The following TTC39A variants were observed in gnomAD, a reference collection of about 807,000 sequenced individuals.
TTC39A encodes tetratricopeptide repeat domain 39A.
Under a neutral mutation model 82.3 loss-of-function variants are expected in TTC39A, and 46 were observed. The ratio of observed to expected loss-of-function variants is 0.56; its 90% confidence interval spans 0.44 to 0.71. The LOEUF is 0.71. TTC39A is among the 30% of genes least tolerant of loss of function. The pLI is 0.00. For synonymous variants in TTC39A, 254 were observed against 275.2 expected (o/e 0.92, Z 0.76); for missense variants, 543 against 712.9 (o/e 0.76, Z 2.71).
At chr1:51,322,274 C>A in intron 1 of TTC39A, 1 of 1,444,120 alleles carries the variant, frequency 6.9e-7, no homozygotes, top group Non-Finnish European at 9.1e-7. Context: ...ACTCTAGAAT[C>A]CCTGACGTTG....
chr1:51,333,561 ACTC>A (rs1237467910), upstream of TTC39A, among the ~76,000 whole-genome samples: 1 of 152,014 alleles, frequency 6.6e-6, no homozygotes, highest in East Asian at 1.9e-4. Flanking sequence ...ATATGCCAAA[ACTC>A]CTCCTAACCC....
chr1:51,295,108 T>C (rs894031784), intron 13 of TTC39A, among the ~76,000 whole-genome samples: 1 of 152,086 alleles, frequency 6.6e-6, no homozygotes, highest in East Asian at 1.9e-4. Context: ...GCCTGAGCCA[T>C]TTAGGCTCAG....
chr1:51,322,981 G>A (rs1269437113), intron 1 of TTC39A, among the ~76,000 whole-genome samples: 1 of 152,116 alleles, frequency 6.6e-6, no homozygotes, highest in African/African-American at 2.4e-5. Context: ...CTCCCAATCT[G>A]TTCTCCCCCA....
At chr1:51,308,463 CT>C (rs1382816444) in intron 6 of TTC39A, among the ~76,000 whole-genome samples, 1 of 152,218 alleles carries the variant, frequency 6.6e-6, no homozygotes, top group Non-Finnish European at 1.5e-5. Flanking sequence ...TGGTCTCGAA[CT>C]CCTGGCCTCA....
chr1:51,344,093 A>G (rs1428721613), intron 1 of TTC39A, among the ~76,000 whole-genome samples: 1 of 152,140 alleles, frequency 6.6e-6, no homozygotes, highest in Non-Finnish European at 1.5e-5. Context: ...AAAGGTAGGG[A>G]GGTGTCAGGG....
intron 5 of TTC39A, among the ~76,000 whole-genome samples, chr1:51,310,670 G>A (rs75125057): frequency 0.032 from 4,852 of 152,148 alleles, 129 homozygotes; most frequent in Non-Finnish European, 0.049. Context: ...CATTCCCACC[G>A]TGTGGTGAGG....
intron 5 of TTC39A, chr1:51,309,539 T>G (rs1645005552): frequency 4.1e-6 from 5 of 1,224,682 alleles, no homozygotes; most frequent in Non-Finnish European, 5.4e-6. Flanking sequence ...ACACATACTC[T>G]GTGCTTGGAG....
chr1:51,335,784 A>T (rs1645967327), upstream of TTC39A, among the ~76,000 whole-genome samples: 1 of 152,102 alleles, frequency 6.6e-6, no homozygotes. Context: ...GGGAGAGGTC[A>T]TAGAAATGGG....
rs1408520528 is a variant in TTC39A, at chr1:51,294,677, C to A, written c.1146-166G>T. On this transcript the variant is annotated intron_variant, in intron 13 of 17. Transcript: ENST00000680483. This position sits in a 1 kb window ranked among gnomAD's most constrained non-coding sequence, Gnocchi z 4.3. ...AGCCTTCTAGGTCTGAAATAGCCTG[C>A]GGCTATAATTTTAGAGACCCTGCCC... 2.0e-5 allele frequency among the ~76,000 whole-genome samples: 3 copies of A among 152,176 alleles called. No individual in the cohort carries two copies. The highest frequency in any genetic ancestry group is 7.2e-5 in the African/African-American group (3 of 41,440).
intron 14 of TTC39A, among the ~76,000 whole-genome samples, chr1:51,292,125 G>A (rs1222112061): frequency 6.6e-6 from 1 of 151,984 alleles, no homozygotes; most frequent in Admixed American, 6.6e-5. Context: ...TTGAGGCTGT[G>A]GTGAGCTGAT....
chr1:51,309,184 A>G (rs1644985293), intron 6 of TTC39A, 77 bp downstream of exon 6: 2 of 1,508,754 alleles, frequency 1.3e-6, no homozygotes, highest in African/African-American at 2.8e-5. Context: ...TTCTCCCACA[A>G]AGCCGCCTGA....
chr1:51,310,174 T>C (rs1013614540), intron 5 of TTC39A, among the ~76,000 whole-genome samples: 2 of 151,852 alleles, frequency 1.3e-5, no homozygotes, highest in Non-Finnish European at 2.9e-5. Context: ...GAGGCGGAGG[T>C]TGCAGTGAGC....
chr1:51,299,081 G>A (rs1305342631), intron 12 of TTC39A: 1 of 152,248 alleles, frequency 6.6e-6, no homozygotes, highest in Non-Finnish European at 1.5e-5. Flanking sequence ...GCTGAAGGCA[G>A]CTGAATTCTC....
intron 13 of TTC39A, 97 bp downstream of exon 13, chr1:51,295,982 C>T: frequency 1.4e-5 from 20 of 1,387,838 alleles, no homozygotes; most frequent in Non-Finnish European, 2.0e-5. Context: ...CTCCTCCCTC[C>T]CCAGTGCCCA....
At chr1:51,334,237 C>T (rs1645947080), upstream of TTC39A, among the ~76,000 whole-genome samples, 2 of 149,380 alleles carry the variant, frequency 1.3e-5, no homozygotes, top group African/African-American at 2.5e-5. Flanking sequence ...GTTGTGGTGG[C>T]TCATGCCTGT....
chr1:51,322,183 G>A, intron 1 of TTC39A: 1 of 1,532,586 alleles, frequency 6.5e-7, no homozygotes, highest in Non-Finnish European at 8.8e-7. Flanking sequence ...GCCCCCCCAG[G>A]GGGTGCAGCC....
rs138939963 is a variant in TTC39A at position 51,340,524 on chromosome 1, G to A, written c.53+4467C>T. ...AATGCTGCCCTCCTCCCTCATCACC[G>A]CCCCCTTTCTCCTCCCCTCCTCTCC... On this transcript the variant is annotated intron_variant, in intron 1 of 5. Transcript: ENST00000401051. 9.1e-3 allele frequency among the ~76,000 whole-genome samples: 1,380 copies of A among 152,186 alleles called. 17 individuals are homozygous for A. The highest frequency in any genetic ancestry group is 0.03 in the African/African-American group (1,264 of 41,520).
chr1:51,299,505 G>A (rs1208019019), intron 12 of TTC39A: 1 of 152,372 alleles, frequency 6.6e-6, no homozygotes, highest in Non-Finnish European at 1.5e-5. Flanking sequence ...AGTTGGTGGA[G>A]TCTGTGGTGG....
In TTC39A at chr1:51,296,108, C is replaced by T. The variant is rs553891250; in HGVS notation, c.1116G>A (p.Pro372=). 9 of 1,598,244 alleles carry T rather than the reference C, an allele frequency of 5.6e-6. No homozygotes were observed. Among genetic ancestry groups the T allele is most frequent in the East Asian group, 2.3e-5 (1 of 44,242 alleles). The change falls in exon 13 of 18, where the codon CCG becomes CCA. Residue 372 remains proline (P), a synonymous_variant. Coordinates refer to ENST00000680483, the MANE Select transcript of TTC39A (RefSeq NM_001297663.2). ...ATAATTCCACTTCGTCGTCCCCGAA[C>T]GGCTTGTGGTCCTCCTTCCCAAACA... The part of the protein sequence containing the change: ...LSMFGKEDHK[P]FGDDEVELFR...
Sources: allele counts gnomAD v4.1 joint callset (sites outside exome capture counted in the v4.1 genomes callset), GRCh38; gene constraint gnomAD v4.1.1; non-coding constraint Gnocchi (gnomAD v3.1); transcripts MANE v1.5; gene names NCBI Gene and HGNC (gene_info 2026-07-23, HGNC 2026-07-21).